The following CHDH variants were observed in gnomAD, a reference collection of about 807,000 sequenced individuals.
CHDH encodes the protein choline dehydrogenase.
Under a neutral mutation model 56.9 loss-of-function variants are expected in CHDH, and 43 were observed. That is an observed-to-expected ratio of 0.76 (90% CI 0.59 to 0.97). CHDH has a LOEUF of 0.97. CHDH is among the 50% of genes least tolerant of loss of function. The pLI is 0.00. For missense variants in CHDH, 816 were observed against 821.1 expected (o/e 0.99, Z 0.08); for synonymous variants, 364 against 348.5 (o/e 1.04, Z -0.50).
At chr3:53,829,297 T>G (rs1054181724) in intron 2 of CHDH, among the ~76,000 whole-genome samples, 18 of 152,146 alleles carry the variant, frequency 1.2e-4, no homozygotes, top group African/African-American at 4.3e-4. Context: ...AACTAATCTG[T>G]TTTCTGTACA....
intron 2 of CHDH, among the ~76,000 whole-genome samples, chr3:53,833,356 A>G (rs909625071): frequency 1.3e-5 from 2 of 151,950 alleles, no homozygotes; most frequent in African/African-American, 4.8e-5. Flanking sequence ...CTCCCCACAC[A>G]AGGGAGGGGC....
rs868627524 is a variant in CHDH, at chr3:53,846,390, G to C, written c.-438C>G. 7 of 517,634 alleles carry C rather than the reference G, an allele frequency of 1.4e-5. No individual in the cohort carries two copies. The highest frequency in any genetic ancestry group is 2.0e-5 in the African/African-American group (1 of 48,998). 32.1% of individuals were successfully genotyped at this position (517,634 alleles called of 1,614,324 possible). On this transcript the variant is annotated 5_prime_UTR_variant, in exon 1 of 9. Transcript: ENST00000315251. ...CCGTGCTCCGCCAGCGCTCGGACACGGCCCATCCCTCCGAGCCCCAGCAGG... is the reference window on the plus strand; with the variant it reads ...CCGTGCTCCGCCAGCGCTCGGACACCGCCCATCCCTCCGAGCCCCAGCAGG...
chr3:53,831,781 A>C (rs369646985), intron 2 of CHDH, among the ~76,000 whole-genome samples: 1 of 152,208 alleles, frequency 6.6e-6, no homozygotes, highest in East Asian at 1.9e-4. Flanking sequence ...ACATGAAAAG[A>C]TGCTCAACAT....
Position 53,823,549 on chromosome 3 carries a change from C to G in CHDH, c.460G>C (p.Gly154Arg). 3.2e-6 allele frequency: 5 copies of G among 1,542,472 alleles called. No homozygotes were observed. Among genetic ancestry groups the G allele is most frequent in the Non-Finnish European group, 4.4e-6 (5 of 1,146,082 alleles). ...AEDYERWQRQ[G>R]ARGWDYAHCL... is the part of the protein sequence containing the mutation. Reference sequence around the variant, plus strand: ...TGCGCGTAGTCCCAGCCGCGGGCGCCCTGGCGCTGCCAGCGCTCGTAGTCC... The same window carrying G: ...TGCGCGTAGTCCCAGCCGCGGGCGCGCTGGCGCTGCCAGCGCTCGTAGTCC... Residue 154 changes from glycine to arginine, a missense_variant, in exon 3 of 9, where the codon GGC becomes CGC. Transcript: ENST00000315251.
intron 2 of CHDH, among the ~76,000 whole-genome samples, chr3:53,828,578 T>A (rs985938304): frequency 5.3e-5 from 8 of 152,254 alleles, no homozygotes; most frequent in Non-Finnish European, 8.8e-5. Context: ...GATTAAAGAA[T>A]GGCCCAAAGA....
At chr3:53,826,996 C>G (rs4687746) in intron 2 of CHDH, among the ~76,000 whole-genome samples, 14,466 of 152,120 alleles carry the variant, frequency 0.095, 897 homozygotes, top group East Asian at 0.18. Flanking sequence ...TTTAAATTAG[C>G]ACCCCAGGCT....
In CHDH at chr3:53,814,354, A is replaced by T. The variant is rs2095612061; in HGVS notation, c.*3423T>A. 6.6e-6 allele frequency: 1 copy of T among 152,132 alleles called. No homozygotes were observed. The highest frequency in any genetic ancestry group is 1.5e-5 in the Non-Finnish European group (1 of 68,010). The allele number at this position is 152,132 out of a possible 1,614,324, so 9.4% of individuals were successfully genotyped here. On this transcript the variant is annotated 3_prime_UTR_variant, in exon 9 of 9. Coordinates refer to ENST00000315251, the MANE Select transcript of CHDH (RefSeq NM_018397.5). ...CCCTGATTAGCCCACCCCAACTCAAAATCTGACTCCAGGGATGTTTTGTTG... is the reference window on the plus strand; with the variant it reads ...CCCTGATTAGCCCACCCCAACTCAATATCTGACTCCAGGGATGTTTTGTTG...
At chr3:53,834,452 C>CA (rs34021192) in intron 2 of CHDH, among the ~76,000 whole-genome samples, 27 of 151,680 alleles carry the variant, frequency 1.8e-4, no homozygotes, top group Non-Finnish European at 2.2e-4. Context: ...TTCAAAAAAA[C>CA]AAAAAAAAGG....
intron 2 of CHDH, among the ~76,000 whole-genome samples, chr3:53,838,117 C>CACCCAGGCAAGGGTGGGGG (rs1698560241): frequency 7.0e-6 from 1 of 142,450 alleles, no homozygotes; most frequent in Non-Finnish European, 1.5e-5. Flanking sequence ...GGAGTTCTAA[C>CACCCAGGCAAGGGTGGGGG]ACCCAGGCAA....
At chr3:53,837,343 C>T (rs1698526657) in intron 2 of CHDH, among the ~76,000 whole-genome samples, 1 of 152,266 alleles carries the variant, frequency 6.6e-6, no homozygotes, top group Admixed American at 6.5e-5. Context: ...GGCCATACCA[C>T]TTGGCCCCTT....
rs529254855 is a variant in CHDH, at chr3:53,817,634, A to G, written c.*143T>C. The G allele has an allele frequency of 2.6e-3, 1,696 of 661,996 alleles. 14 individuals are homozygous for G. Among genetic ancestry groups the G allele is most frequent in the South Asian group, 0.014 (715 of 50,584 alleles). The allele number at this position is 661,996 out of a possible 1,614,324, so 41.0% of individuals were successfully genotyped here. On this transcript the variant is annotated 3_prime_UTR_variant, in exon 9 of 9. Coordinates refer to ENST00000315251, the MANE Select transcript of CHDH (RefSeq NM_018397.5). The stretch of plus-strand genomic sequence containing the variant: ...TACTTGTCTCATTTCCCAAGACTTT[A>G]TCCAATTCTCAGCCACTGAGTAGGG...
At chr3:53,836,867 C>T (rs1698512864) in intron 2 of CHDH, among the ~76,000 whole-genome samples, 1 of 152,234 alleles carries the variant, frequency 6.6e-6, no homozygotes, top group Admixed American at 6.5e-5. Context: ...CAGATCAAAA[C>T]CAACATGATG....
chr3:53,822,415 C>G (rs1033876835), intron 4 of CHDH, 76 bp downstream of exon 4: 1 of 1,422,048 alleles, frequency 7.0e-7, no homozygotes. Flanking sequence ...GGGCGTGACT[C>G]CTGCCCACTC....
intron 2 of CHDH, among the ~76,000 whole-genome samples, chr3:53,830,402 T>TTATATATATATATATATATA (rs34884918): frequency 6.1e-5 from 9 of 147,040 alleles, no homozygotes; most frequent in African/African-American, 2.3e-4. Flanking sequence ...CTAAATGAGA[T>TTATATATATATATATATATA]TATATATATA....
intron 2 of CHDH, among the ~76,000 whole-genome samples, chr3:53,839,570 T>C (rs1360840384): frequency 1.3e-5 from 2 of 152,234 alleles, no homozygotes; most frequent in Admixed American, 1.3e-4. Flanking sequence ...AGTTATGTTG[T>C]TTAAACTCAC....
chr3:53,822,788 C>G, intron 3 of CHDH, 146 bp from the exon 4 acceptor site: 1 of 1,056,464 alleles, frequency 9.5e-7, no homozygotes, highest in Non-Finnish European at 1.3e-6. Flanking sequence ...CGGAAAGACC[C>G]TGCAAGACCC....
intron 3 of CHDH, among the ~76,000 whole-genome samples, chr3:53,822,871 G>C (rs1474549681): frequency 1.3e-5 from 2 of 152,182 alleles, no homozygotes; most frequent in African/African-American, 4.8e-5. Flanking sequence ...CCTCAAACAG[G>C]AGGACACAGA....
At position 53,823,513 on chromosome 3, in the gene CHDH, A is replaced by C; in HGVS notation, c.496T>G (p.Tyr166Asp). 6.5e-7 allele frequency: 1 copy of C among 1,542,108 alleles called. No homozygotes were observed. Among genetic ancestry groups the C allele is most frequent in the Non-Finnish European group, 8.7e-7 (1 of 1,145,492 alleles). Residue 166 changes from tyrosine to aspartate, a missense_variant, in exon 3 of 9, where the codon TAC (tyrosine) becomes GAC (aspartate). Physicochemically the swap from Tyr to Asp is radical, Grantham distance 160. Transcript: ENST00000315251. ...TCGTGGCCCTGCGCCTTGCGGAAGT[A>C]GGGCAGGCAGTGCGCGTAGTCCCAG... ...RGWDYAHCLP[Y>D]FRKAQGHELG...
intron 3 of CHDH, 49 bp from the exon 4 acceptor site, chr3:53,822,691 A>G: frequency 1.3e-6 from 2 of 1,580,406 alleles, no homozygotes; most frequent in Non-Finnish European, 1.7e-6. Flanking sequence ...CTCCCCTGGC[A>G]CCTGGGCAGG....
Sources: gnomAD v4.1 joint callset for allele counts (sites outside exome capture counted in the v4.1 genomes callset) on GRCh38, gnomAD v4.1.1 for gene constraint, MANE v1.5 for transcripts, NCBI Gene and HGNC (gene_info 2026-07-23, HGNC 2026-07-21) for gene names.